The following PALD1 variants were observed in gnomAD, a reference collection of about 807,000 sequenced individuals.
PALD1 encodes paladin.
PALD1 carries 57 observed loss-of-function variants against 96.0 expected under a neutral mutation model. That is an observed-to-expected ratio of 0.59 (90% CI 0.48 to 0.74). The LOEUF is 0.74. Among genes scored for constraint, PALD1 ranks in the 30% least tolerant of loss-of-function variants. PALD1 has a pLI of 0.00. For synonymous variants in PALD1, 464 were observed against 473.6 expected, an observed-to-expected ratio of 0.98 and a Z score of 0.26; for missense variants, 1,063 against 1,143.7, an observed-to-expected ratio of 0.93 and a Z score of 1.02.
At position 70,490,994 on chromosome 10, in the gene PALD1, G is replaced by T. The variant is rs1212480805; in HGVS notation, c.-30+11935G>T. Among the ~76,000 whole-genome samples the T allele has an allele frequency of 3.3e-5, 5 of 151,756 alleles. No homozygotes were observed. In the East Asian group the frequency reaches 9.6e-4, roughly 29 times the overall value. On this transcript the variant is annotated intron_variant, in intron 1 of 19. Transcript: ENST00000263563. ...TTTGGAGACAGAGTCTCGCTCTGTCGCCCAGGCATGGTGCGATCTGGGCTC... is the reference window on the plus strand; with the variant it reads ...TTTGGAGACAGAGTCTCGCTCTGTCTCCCAGGCATGGTGCGATCTGGGCTC...
chr10:70,561,030 G>A (rs892602634), intron 18 of PALD1, among the ~76,000 whole-genome samples: 2 of 152,174 alleles, frequency 1.3e-5, no homozygotes, highest in South Asian at 2.1e-4. Context: ...ATGTGCCCTC[G>A]GAACCTTCTG....
intron 10 of PALD1, among the ~76,000 whole-genome samples, chr10:70,536,355 G>A (rs891023353): frequency 6.6e-6 from 1 of 152,096 alleles, no homozygotes; most frequent in Non-Finnish European, 1.5e-5. Flanking sequence ...AGTACTTAGA[G>A]CCTGCCACAG....
At position 70,534,817 on chromosome 10, in the gene PALD1, G is replaced by A. The variant is rs1336315956; in HGVS notation, c.1201G>A (p.Gly401Ser). The change falls in exon 10 of 20, where the codon GGT becomes AGT. Residue 401 changes from glycine (G) to serine (S), a missense_variant. Transcript: ENST00000263563. ...VVLENQKKLE[G>S]IRPESPAQGS... ...CTTGGAAAACCAGAAGAAGTTAGAA[G>A]GTATCCGACCGGAGAGCCCAGCCCA... 3 of 1,611,864 alleles carry A rather than the reference G, an allele frequency of 1.9e-6. No individual in the cohort carries two copies. The highest frequency in any genetic ancestry group is 2.5e-6 in the Non-Finnish European group (3 of 1,178,940).
intron 1 of PALD1, among the ~76,000 whole-genome samples, chr10:70,502,798 T>C (rs1846323267): frequency 1.3e-5 from 2 of 152,200 alleles, no homozygotes; most frequent in Admixed American, 6.5e-5. Flanking sequence ...CACATGGGTG[T>C]TTCCACCCTG....
In PALD1 at chr10:70,539,070, C is replaced by T. The variant is rs368393346; in HGVS notation, c.1570-22C>T. ...TTGGGGAGGGAGGGCTGAGCACTCA[C>T]TGCCGGCCCTCCTGTGCCCAGGCCC... On this transcript the variant is annotated intron_variant, in intron 13 of 19. Coordinates refer to ENST00000263563, the MANE Select transcript of PALD1 (RefSeq NM_014431.3). The surrounding 1 kb of genome is among the most constrained non-coding windows in gnomAD (Gnocchi z 4.5). 26 of 1,613,534 alleles carry T rather than the reference C, an allele frequency of 1.6e-5. No individual in the cohort carries two copies. In the African/African-American group the frequency reaches 2.8e-4, roughly 17 times the overall value.
intron 1 of PALD1, among the ~76,000 whole-genome samples, chr10:70,494,307 T>C (rs972410817): frequency 8.5e-5 from 13 of 152,244 alleles, no homozygotes; most frequent in African/African-American, 3.1e-4. Flanking sequence ...CTCTTGCTAG[T>C]GTGCATGAGG....
chr10:70,508,782 G>T (rs1846446655), intron 1 of PALD1, among the ~76,000 whole-genome samples: 1 of 45,770 alleles, frequency 2.2e-5, no homozygotes, highest in Admixed American at 2.9e-4. Flanking sequence ...GACTCTGTAT[G>T]GCGTGTGTGT....
chr10:70,564,628 C>A, intron 19 of PALD1, 109 bp downstream of exon 19: 2 of 998,424 alleles, frequency 2.0e-6, no homozygotes, highest in Non-Finnish European at 3.0e-6. Flanking sequence ...CCGTGACAGG[C>A]GGGAAGAGCC....
chr10:70,464,028 C>T, the PALD1 span, among the ~76,000 whole-genome samples: 2 of 152,140 alleles, frequency 1.3e-5, no homozygotes, highest in African/African-American at 4.8e-5. Flanking sequence ...CGTTTGTCCA[C>T]GTAACCCCTA....
In PALD1 at chr10:70,489,229, A is replaced by T. The variant is rs1016976041; in HGVS notation, c.-30+10170A>T. On this transcript the variant is annotated intron_variant, in intron 1 of 19. Transcript: ENST00000263563. ...TGAGGAAGGGGCTGCCTGGGCTCAG[A>T]TTTTCACCCTCCTGGCCCCACCCCA... Among the ~76,000 whole-genome samples, 5 of 151,646 alleles carry T rather than the reference A, an allele frequency of 3.3e-5. No individual in the cohort carries two copies. The East Asian group carries it at 9.7e-4, about 29-fold the overall frequency.
chr10:70,467,479 G>T, the PALD1 span, among the ~76,000 whole-genome samples: 56 of 152,282 alleles, frequency 3.7e-4, no homozygotes, highest in Admixed American at 6.5e-4. Flanking sequence ...AGAAGTGGAT[G>T]TCGGGTTCAT....
At chr10:70,533,837 C>A in intron 7 of PALD1, 85 bp from the exon 8 acceptor site, 1 of 1,285,270 alleles carries the variant, frequency 7.8e-7, no homozygotes, top group Non-Finnish European at 1.1e-6. Context: ...GCAGGGTGGG[C>A]TGATGTCATG....
At chr10:70,495,138 C>G (rs1247969035) in intron 1 of PALD1, among the ~76,000 whole-genome samples, 6 of 152,252 alleles carry the variant, frequency 3.9e-5, no homozygotes, top group Non-Finnish European at 4.4e-5. Flanking sequence ...ACGGGCCGTT[C>G]CCTCTGCTGC....
At position 70,529,187 on chromosome 10, in the gene PALD1, G is replaced by GCTTGACTC. The variant is rs569970396; in HGVS notation, c.186-41_186-34dup. Reference sequence around the variant, plus strand: ...GGAGCTGGCCTTGACCAAGGAGGTTGCTTGACTCAGTTTCCATTCTGCCCC... The same window carrying GCTTGACTC: ...GGAGCTGGCCTTGACCAAGGAGGTTGCTTGACTCCTTGACTCAGTTTCCATTCTGCCCC... On this transcript the variant is annotated intron_variant, in intron 2 of 19. Coordinates refer to ENST00000263563, the MANE Select transcript of PALD1 (RefSeq NM_014431.3). The GCTTGACTC allele has an allele frequency of 1.2e-4, 84 of 724,458 alleles. No homozygotes were observed. In the East Asian group the frequency reaches 2.7e-3, roughly 23 times the overall value. The allele number at this position is 724,458 out of a possible 1,614,324, so 44.9% of individuals were successfully genotyped here. A position where few individuals can be genotyped will look rare whatever the true frequency, so the allele number is the denominator to read the frequency against.
chr10:70,459,462 T>G, the PALD1 span, among the ~76,000 whole-genome samples: 1 of 147,304 alleles, frequency 6.8e-6, no homozygotes, highest in African/African-American at 2.5e-5. Flanking sequence ...TCTCTGACCG[T>G]GCCTGGTCTG....
At chr10:70,552,286 C>G (rs895950905) in intron 18 of PALD1, among the ~76,000 whole-genome samples, 4 of 152,242 alleles carry the variant, frequency 2.6e-5, no homozygotes, top group Non-Finnish European at 5.9e-5. Context: ...AGTACTGTTT[C>G]TCATGCTGTT....
rs1013026574 is a variant in PALD1, at chr10:70,539,432, G to T, written c.1726-148G>T. 2.9e-5 allele frequency: 29 copies of T among 1,000,938 alleles called. No individual in the cohort carries two copies. The highest frequency in any genetic ancestry group is 8.2e-5 in the African/African-American group (5 of 61,342). 62.0% of individuals were successfully genotyped at this position (1,000,938 alleles called of 1,614,324 possible). A position where few individuals can be genotyped will look rare whatever the true frequency, so the allele number is the denominator to read the frequency against. ...GTGCTCTGCTAACCTGCTTGGCTTT[G>T]GGGGGTGGCTGTGACCCCTGAGGCT... On this transcript the variant is annotated intron_variant, in intron 14 of 19. Coordinates refer to ENST00000263563, the MANE Select transcript of PALD1 (RefSeq NM_014431.3). The surrounding 1 kb of genome is among the most constrained non-coding windows in gnomAD (Gnocchi z 4.5).
chr10:70,472,657 G>A, the PALD1 span, among the ~76,000 whole-genome samples: 12 of 152,128 alleles, frequency 7.9e-5, no homozygotes, highest in Non-Finnish European at 1.5e-5. Context: ...GGGTTTGGCA[G>A]CCCCCTCCCA....
chr10:70,460,669 C>T, the PALD1 span, among the ~76,000 whole-genome samples: 1 of 152,168 alleles, frequency 6.6e-6, no homozygotes, highest in African/African-American at 2.4e-5. Flanking sequence ...TCCACCCTGG[C>T]CCCCCAGAAT....
Sources: gnomAD v4.1 joint callset for allele counts (sites outside exome capture counted in the v4.1 genomes callset) on GRCh38, gnomAD v4.1.1 for gene constraint, Gnocchi (gnomAD v3.1) non-coding constraint, MANE v1.5 for transcripts, NCBI Gene and HGNC (gene_info 2026-07-23, HGNC 2026-07-21) for gene names.